The following BRWD1 variants were observed in gnomAD, a reference collection of about 807,000 sequenced individuals.
BRWD1 encodes the protein bromodomain and WD repeat-containing protein 1.
BRWD1 carries 82 observed loss-of-function variants against 251.2 expected under a neutral mutation model. That is an observed-to-expected ratio of 0.33 (90% CI 0.27 to 0.39). The LOEUF (loss-of-function observed/expected upper bound fraction) is 0.39. Among genes scored for constraint, BRWD1 ranks in the 10% least tolerant of loss-of-function variants. BRWD1 has a pLI of 1.00. For synonymous variants in BRWD1, 918 were observed against 902.8 expected, an observed-to-expected ratio of 1.02 and a Z score of -0.30; for missense variants, 2,233 against 2,711.6, an observed-to-expected ratio of 0.82 and a Z score of 3.92.
At chr21:39,204,965 T>C (rs1393638195) in intron 37 of BRWD1, among the ~76,000 whole-genome samples, 1 of 152,200 alleles carries the variant, frequency 6.6e-6, no homozygotes, top group Non-Finnish European at 1.5e-5. Flanking sequence ...CGACTCTATA[T>C]TAAAGAGCCA....
chr21:39,272,794 T>C (rs1241959593), intron 13 of BRWD1, among the ~76,000 whole-genome samples: 1 of 151,946 alleles, frequency 6.6e-6, no homozygotes, highest in African/African-American at 2.4e-5. Context: ...TTTTTTTTAG[T>C]AGAGGCAGGG....
intron 5 of BRWD1, chr21:39,297,147 G>A (rs2035982821): frequency 5.1e-6 from 5 of 985,376 alleles, no homozygotes; most frequent in Non-Finnish European, 4.8e-6. Flanking sequence ...CTCCTCTATA[G>A]GAGATAGCAG....
At position 39,207,154 on chromosome 21, in the gene BRWD1, G is replaced by A. The variant is rs2032432083; in HGVS notation, c.4198-880C>T. On this transcript the variant is annotated intron_variant, in intron 36 of 40. Coordinates refer to ENST00000342449, the MANE Select transcript of BRWD1 (RefSeq NM_033656.4). ...ATTTCATATATATAAATTTTATTCT[G>A]CCAGGCACAGTGGCTCATGCCTATA... Among the ~76,000 whole-genome samples the A allele has an allele frequency of 3.9e-5, 6 of 151,990 alleles. No individual in the cohort carries two copies. The South Asian group carries it at 1.2e-3, about 32-fold the overall frequency.
At chr21:39,200,519 AT>A in intron 38 of BRWD1, 133 bp from the exon 39 acceptor site, 1 of 752,282 alleles carries the variant, frequency 1.3e-6, no homozygotes, top group Non-Finnish European at 1.9e-6. Context: ...CTTAGAATAT[AT>A]TTTTTAAAAA....
intron 4 of BRWD1, among the ~76,000 whole-genome samples, chr21:39,305,604 C>CTTTGGGAGG (rs2036260267): frequency 6.6e-6 from 1 of 152,040 alleles, no homozygotes. Flanking sequence ...GTGGCTCACA[C>CTTTGGGAGG]CTGTAATTCC....
intron 15 of BRWD1, 38 bp from the exon 16 acceptor site, chr21:39,265,057 T>A: frequency 6.3e-7 from 1 of 1,591,766 alleles, no homozygotes; most frequent in South Asian, 1.1e-5. Flanking sequence ...GGACCAATTC[T>A]ATGCAAGTGA....
At chr21:39,286,016 C>CTTTTTTTTTTT (rs57151774) in intron 8 of BRWD1, among the ~76,000 whole-genome samples, 3,018 of 104,678 alleles carry the variant, frequency 0.029, 401 homozygotes, top group African/African-American at 0.057. Context: ...ACCATATGAA[C>CTTTTTTTTTTT]TTTTTTTTTT....
rs544928973 is a variant in BRWD1 at position 39,188,685 on chromosome 21, T to C, written c.*7574A>G. The C allele has an allele frequency of 8.1e-6, 8 of 985,374 alleles. No homozygotes were observed. In the South Asian group the frequency reaches 3.8e-4, roughly 46 times the overall value. The allele number at this position is 985,374 out of a possible 1,614,324, so 61.0% of individuals were successfully genotyped here. A position where few individuals can be genotyped will look rare whatever the true frequency, so the allele number is the denominator to read the frequency against. On this transcript the variant is annotated 3_prime_UTR_variant, in exon 41 of 41. Transcript: ENST00000342449. ...TCACAGTGCAAGCACTTCAGATTTT[T>C]CCCTAAGTCTATGAAACTGATTTCA...
At position 39,203,434 on chromosome 21, in the gene BRWD1, GGTTCTTTTTTTT is replaced by G. The variant is rs1346728749; in HGVS notation, c.4365-901_4365-890del. ...AGCCTGGGCAACAGAGCAAGACCCT[GGTTCTTTTTTTT>G]TTTTTTTTTTTTTTTTGAGACAGAG... On this transcript the variant is annotated intron_variant, in intron 37 of 40. Coordinates refer to ENST00000342449, the MANE Select transcript of BRWD1 (RefSeq NM_033656.4). Among the ~76,000 whole-genome samples, 87 of 64,312 alleles carry G rather than the reference GGTTCTTTTTTTT, an allele frequency of 1.4e-3. 2 individuals carry two copies. The highest frequency in any genetic ancestry group is 3.8e-3 in the African/African-American group (80 of 20,994). 42.2% of individuals were successfully genotyped at this position (64,312 alleles called of 152,430 possible). A position where few individuals can be genotyped will look rare whatever the true frequency, so the allele number is the denominator to read the frequency against.
intron 17 of BRWD1, among the ~76,000 whole-genome samples, chr21:39,262,165 A>G (rs916552087): frequency 5.3e-5 from 8 of 152,246 alleles, no homozygotes; most frequent in South Asian, 2.1e-4. Flanking sequence ...TAAAATACAT[A>G]AAGTAAAAAC....
intron 5 of BRWD1, chr21:39,297,920 G>A (rs553533500): frequency 2.0e-6 from 2 of 984,952 alleles, no homozygotes; most frequent in African/African-American, 3.5e-5. Flanking sequence ...CAAACATTTT[G>A]CTAGCACATA....
At chr21:39,198,688 G>A in intron 40 of BRWD1, 75 bp downstream of exon 40, 1 of 1,347,900 alleles carries the variant, frequency 7.4e-7, no homozygotes, top group South Asian at 1.5e-5. Context: ...TTTTTCGGGG[G>A]GAAAAAACCA....
In BRWD1 at chr21:39,188,102, T is replaced by C. The variant is rs2031348293; in HGVS notation, c.*8157A>G. The C allele has an allele frequency of 3.0e-6, 3 of 985,328 alleles. No individual in the cohort carries two copies. In the South Asian group the frequency reaches 1.4e-4, roughly 46 times the overall value. 61.0% of individuals were successfully genotyped at this position (985,328 alleles called of 1,614,324 possible). Reference sequence around the variant, plus strand: ...CTGACCAAACTTAGGAGGGCTCAGATATGTTTGTTACCAGTGTCTCAAAGC... The same window carrying C: ...CTGACCAAACTTAGGAGGGCTCAGACATGTTTGTTACCAGTGTCTCAAAGC... On this transcript the variant is annotated 3_prime_UTR_variant, in exon 41 of 41. Coordinates refer to ENST00000342449, the MANE Select transcript of BRWD1 (RefSeq NM_033656.4).
intron 36 of BRWD1, among the ~76,000 whole-genome samples, chr21:39,206,890 ATCC>A (rs562479887): frequency 2.8e-3 from 422 of 152,356 alleles, no homozygotes; most frequent in African/African-American, 9.9e-3. Context: ...GAACTACTCT[ATCC>A]TCCTCCACGA....
intron 21 of BRWD1, among the ~76,000 whole-genome samples, chr21:39,242,858 G>A (rs2034049246): frequency 1.3e-5 from 2 of 152,148 alleles, no homozygotes; most frequent in Admixed American, 1.3e-4. Context: ...TTACAGCATG[G>A]TTTACCAGAT....
intron 4 of BRWD1, among the ~76,000 whole-genome samples, chr21:39,299,265 T>C: frequency 6.6e-6 from 1 of 150,608 alleles, no homozygotes; most frequent in Non-Finnish European, 1.5e-5. Flanking sequence ...AAAAAATATA[T>C]ATATATGCTA....
chr21:39,225,046 G>T, intron 28 of BRWD1, 40 bp downstream of exon 28: 1 of 1,364,346 alleles, frequency 7.3e-7, no homozygotes, highest in South Asian at 1.2e-5. Flanking sequence ...CTGCCACACT[G>T]AATTACTGGG....
At chr21:39,296,548 A>C (rs548578225) in intron 5 of BRWD1, 185 bp from the exon 6 acceptor site, 56 of 1,232,700 alleles carry the variant, frequency 4.5e-5, no homozygotes, top group Non-Finnish European at 5.3e-5. Context: ...AAGACATCTC[A>C]GATACAGCAG....
At chr21:39,258,354 G>A in intron 18 of BRWD1, 133 bp downstream of exon 18, 1 of 740,444 alleles carries the variant, frequency 1.4e-6, no homozygotes, top group East Asian at 2.8e-5. Context: ...GCTACCTTCA[G>A]ACTACTAATT....
Sources: allele counts gnomAD v4.1 joint callset (sites outside exome capture counted in the v4.1 genomes callset), GRCh38; gene constraint gnomAD v4.1.1; transcripts MANE v1.5; gene names NCBI Gene and HGNC (gene_info 2026-07-23, HGNC 2026-07-21).